PIGN: variants seen among roughly 807,000 people sequenced by gnomAD.
The protein encoded by PIGN is GPI ethanolamine phosphate transferase 1.
Under a neutral mutation model 125.4 loss-of-function variants are expected in PIGN, and 117 were observed. The ratio of observed to expected loss-of-function variants is 0.93; its 90% CI spans 0.80 to 1.09. The LOEUF is 1.09. Ranked by LOEUF, PIGN falls within the 50% of genes least tolerant of loss-of-function variation. The pLI, the probability that PIGN is intolerant of heterozygous loss-of-function variation, is 0.00. For synonymous variants in PIGN, 392 were observed against 377.8 expected (o/e 1.04, Z -0.44); for missense variants, 1,075 against 1,094.9 (o/e 0.98, Z 0.26).
At chr18:62,058,835 A>G (rs1418929051) in intron 30 of PIGN, 1 of 152,112 alleles carries the variant, frequency 6.6e-6, no homozygotes, top group Non-Finnish European at 1.5e-5. Flanking sequence ...CTTCAACTCT[A>G]TTCTGTTTCT....
chr18:62,149,387 TAAGAG>T (rs948968895), intron 7 of PIGN, among the ~76,000 whole-genome samples: 11 of 152,140 alleles, frequency 7.2e-5, no homozygotes, highest in African/African-American at 2.4e-4. Context: ...ATAAGCTCTT[TAAGAG>T]AAAAGAATTA....
downstream of PIGN, among the ~76,000 whole-genome samples, chr18:62,040,776 A>G (rs1414790080): frequency 6.6e-6 from 1 of 152,238 alleles, no homozygotes; most frequent in Non-Finnish European, 1.5e-5. Context: ...TAGAATTTCA[A>G]GTAATACAGG....
chr18:62,176,337 A>C (rs1053121759), intron 1 of PIGN, among the ~76,000 whole-genome samples: 4 of 152,162 alleles, frequency 2.6e-5, no homozygotes, highest in Admixed American at 2.0e-4. Flanking sequence ...CAAACATCAC[A>C]GTAATTATTG....
At chr18:62,048,077 A>C (rs1200197363) in intron 30 of PIGN, among the ~76,000 whole-genome samples, 1 of 152,208 alleles carries the variant, frequency 6.6e-6, no homozygotes, top group Non-Finnish European at 1.5e-5. Flanking sequence ...TTTCCATGGA[A>C]GTGCTCAATA....
intron 24 of PIGN, among the ~76,000 whole-genome samples, chr18:62,089,758 A>G (rs1187183425): frequency 6.6e-6 from 1 of 152,176 alleles, no homozygotes; most frequent in Non-Finnish European, 1.5e-5. Flanking sequence ...CTGGAGCCAT[A>G]TAACGATGGA....
At chr18:62,062,467 T>C (rs558258185) in intron 30 of PIGN, among the ~76,000 whole-genome samples, 1 of 152,322 alleles carries the variant, frequency 6.6e-6, no homozygotes, top group South Asian at 2.1e-4. Flanking sequence ...TGAGATAAAC[T>C]AAGGTTTAAC....
intron 30 of PIGN, among the ~76,000 whole-genome samples, chr18:62,047,759 C>G (rs8097290): frequency 0.085 from 12,867 of 151,904 alleles, 1,783 homozygotes; most frequent in African/African-American, 0.29. Flanking sequence ...AACCAAATAC[C>G]CAAAATGTCT....
intron 4 of PIGN, among the ~76,000 whole-genome samples, chr18:62,158,602 G>A (rs2036826170): frequency 6.6e-6 from 1 of 152,160 alleles, no homozygotes; most frequent in Non-Finnish European, 1.5e-5. Flanking sequence ...ATAGGTGAAA[G>A]GCCAGCAGAG....
chr18:62,076,507 G>A (rs1042337205), intron 28 of PIGN, among the ~76,000 whole-genome samples: 3 of 152,130 alleles, frequency 2.0e-5, no homozygotes, highest in Admixed American at 6.5e-5. Context: ...TTCTGAAGAA[G>A]TCCAGTTTAT....
chr18:62,054,311 C>T (rs28484978), intron 30 of PIGN, among the ~76,000 whole-genome samples: 52,097 of 151,054 alleles, frequency 0.34, 10,001 homozygotes, highest in East Asian at 0.7. Context: ...CAAAGAGTTC[C>T]TAGTCTTAAT....
intron 30 of PIGN, among the ~76,000 whole-genome samples, chr18:62,054,090 C>CT (rs2031532950): frequency 6.6e-6 from 1 of 152,130 alleles, no homozygotes; most frequent in Admixed American, 6.6e-5. Flanking sequence ...TGGGACACAG[C>CT]TAAAGCAAGC....
intron 14 of PIGN, among the ~76,000 whole-genome samples, chr18:62,118,937 G>A (rs1280192182): frequency 6.7e-6 from 1 of 150,170 alleles, no homozygotes; most frequent in Non-Finnish European, 1.5e-5. Context: ...AAGAGGACAA[G>A]AAGCTAAGAA....
chr18:62,060,547 T>C (rs1568128655), intron 30 of PIGN, among the ~76,000 whole-genome samples: 1 of 152,252 alleles, frequency 6.6e-6, no homozygotes, highest in African/African-American at 2.4e-5. Flanking sequence ...ATTAATTACA[T>C]TTAGGATATA....
chr18:62,049,073 G>A (rs2031013105), intron 30 of PIGN, among the ~76,000 whole-genome samples: 1 of 151,630 alleles, frequency 6.6e-6, no homozygotes, highest in Admixed American at 6.6e-5. Context: ...TGGTATATAT[G>A]TGCCACATTT....
intron 23 of PIGN, among the ~76,000 whole-genome samples, chr18:62,022,030 C>T (rs1313445174): frequency 6.6e-6 from 1 of 152,126 alleles, no homozygotes; most frequent in Non-Finnish European, 1.5e-5. Context: ...CTTGAGGCTG[C>T]CGTCAGGCCC....
chr18:62,082,819 C>G (rs1424831797), intron 27 of PIGN, 73 bp from the exon 28 acceptor site: 1 of 783,700 alleles, frequency 1.3e-6, no homozygotes, highest in Non-Finnish European at 2.1e-6. Context: ...AATACTATTT[C>G]TGCTTACAGA....
At chr18:62,068,236 G>A (rs1050747474) in intron 30 of PIGN, among the ~76,000 whole-genome samples, 2 of 152,064 alleles carry the variant, frequency 1.3e-5, no homozygotes, top group Non-Finnish European at 2.9e-5. Flanking sequence ...ATCATCATTT[G>A]GTAGGCAGAT....
At chr18:62,039,039 G>A (rs1211619601), downstream of PIGN, among the ~76,000 whole-genome samples, 1 of 151,834 alleles carries the variant, frequency 6.6e-6, no homozygotes, top group Non-Finnish European at 1.5e-5. Context: ...TCAGAGAGGA[G>A]TTACAGGAGT....
rs764432688 is a variant in PIGN, at chr18:62,157,246, C to T, written c.344-19G>A. The T allele has an allele frequency of 1.4e-6, 2 of 1,382,364 alleles. No homozygotes were observed. The highest frequency in any genetic ancestry group is 1.0e-6 in the Non-Finnish European group (1 of 977,052). The allele number at this position is 1,382,364 out of a possible 1,614,324, so 85.6% of individuals were successfully genotyped here. Reference sequence around the variant, plus strand: ...TTCCATCCTTCAGAAAGCAAGCAAGCAGTAATAGTTATATACACATGGTAC... The same window carrying T: ...TTCCATCCTTCAGAAAGCAAGCAAGTAGTAATAGTTATATACACATGGTAC... On this transcript the variant is annotated intron_variant, in intron 5 of 30. Coordinates refer to ENST00000640252, the MANE Select transcript of PIGN (RefSeq NM_176787.5).
Sources: allele counts gnomAD v4.1 joint callset (sites outside exome capture counted in the v4.1 genomes callset), GRCh38; gene constraint gnomAD v4.1.1; transcripts MANE v1.5; gene names NCBI Gene and HGNC (gene_info 2026-07-23, HGNC 2026-07-21).